KAZN: variants seen among roughly 807,000 people sequenced by gnomAD.
KAZN encodes kazrin, periplakin interacting protein, also known as kazrin.
In KAZN, 40 loss-of-function variants were observed where a neutral mutation model predicts 87.4. The observed-to-expected ratio is 0.46, with a 90% CI of 0.36 to 0.60. The LOEUF is 0.60. Among genes scored for constraint, KAZN ranks in the 20% least tolerant of loss-of-function variants. The probability of loss-of-function intolerance (pLI) is 0.00; values close to 1 mark genes in which losing one functional copy is unlikely to be tolerated. For synonymous variants in KAZN, 466 were observed against 458.3 expected (o/e 1.02, Z -0.22); for missense variants, 898 against 1,073.9 (o/e 0.84, Z 2.29).
intron 2 of KAZN, among the ~76,000 whole-genome samples, chr1:14,979,901 A>T (rs1666057875): frequency 6.6e-6 from 1 of 152,122 alleles, no homozygotes; most frequent in South Asian, 2.1e-4. Context: ...AAATTTATTT[A>T]CTTTTGAGAC....
In KAZN at chr1:15,094,534, CT is replaced by C. The variant is rs1640713623; in HGVS notation, c.1428+150del. On this transcript the variant is annotated intron_variant, in intron 9 of 14. Transcript: ENST00000376030. This position sits in a 1 kb window ranked among gnomAD's most constrained non-coding sequence, Gnocchi z 4.5. Reference sequence around the variant, plus strand: ...CCAATGCAATCAGCCTCTGATGTACCTGCTCATTGTGCCTCCCTGGCAAGGC... The same window carrying C: ...CCAATGCAATCAGCCTCTGATGTACCGCTCATTGTGCCTCCCTGGCAAGGC... 2.6e-6 allele frequency: 2 copies of C among 767,120 alleles called. No homozygotes were observed. The highest frequency in any genetic ancestry group is 5.1e-5 in the Admixed American group (2 of 39,298). The allele number at this position is 767,120 out of a possible 1,614,324, so 47.5% of individuals were successfully genotyped here.
chr1:14,690,103 T>C (rs1467853818), intron 1 of KAZN, among the ~76,000 whole-genome samples: 1 of 152,130 alleles, frequency 6.6e-6, no homozygotes, highest in African/African-American at 2.4e-5. Flanking sequence ...ATCAGGTAAA[T>C]GGCTGCCCTC....
intron 1 of KAZN, among the ~76,000 whole-genome samples, chr1:14,746,994 C>T (rs1052230567): frequency 3.9e-5 from 6 of 152,190 alleles, no homozygotes; most frequent in African/African-American, 1.2e-4. Context: ...AACTCCCCAT[C>T]CCTTGTCCCC....
intron 1 of KAZN, among the ~76,000 whole-genome samples, chr1:14,619,617 C>A (rs78623818): frequency 0.011 from 1,645 of 152,292 alleles, 35 homozygotes; most frequent in African/African-American, 0.036. Flanking sequence ...TTTTGCAACC[C>A]GTGCCACTAT....
At chr1:14,377,855 A>G (rs1033855709) in intron 2 of KAZN, among the ~76,000 whole-genome samples, 4 of 152,130 alleles carry the variant, frequency 2.6e-5, no homozygotes, top group African/African-American at 9.7e-5. Flanking sequence ...TTTTAGCAAC[A>G]TCCCTGATCT....
chr1:14,805,857 G>A (rs1160099650), intron 1 of KAZN, among the ~76,000 whole-genome samples: 1 of 151,936 alleles, frequency 6.6e-6, no homozygotes, highest in African/African-American at 2.4e-5. Flanking sequence ...GAAAGGAGGT[G>A]GAGAGAATAT....
chr1:15,069,322 C>A (rs560495105), intron 8 of KAZN, among the ~76,000 whole-genome samples: 1 of 152,220 alleles, frequency 6.6e-6, no homozygotes, highest in South Asian at 2.1e-4. Flanking sequence ...AGCCTTTTTG[C>A]CCTCTCAAAA....
At chr1:14,456,443 A>G (rs1183628888) in intron 2 of KAZN, among the ~76,000 whole-genome samples, 1 of 151,914 alleles carries the variant, frequency 6.6e-6, no homozygotes, top group Non-Finnish European at 1.5e-5. Flanking sequence ...TGAAGCTTTT[A>G]TTTGTAGACG....
At chr1:14,324,402 G>A (rs1222709929) in intron 2 of KAZN, among the ~76,000 whole-genome samples, 3 of 152,118 alleles carry the variant, frequency 2.0e-5, no homozygotes, top group Non-Finnish European at 4.4e-5. Context: ...CCACATGTCC[G>A]TTTCTGGTCA....
intron 1 of KAZN, among the ~76,000 whole-genome samples, chr1:14,743,074 T>A (rs1047131670): frequency 1.3e-5 from 2 of 151,892 alleles, no homozygotes; most frequent in African/African-American, 4.8e-5. Context: ...TGGGCCAGAG[T>A]GGTGCGTCGC....
At chr1:15,044,699 A>T (rs948392243) in intron 4 of KAZN, among the ~76,000 whole-genome samples, 9 of 150,586 alleles carry the variant, frequency 6.0e-5, no homozygotes, top group Non-Finnish European at 1.2e-4. Flanking sequence ...ACTGCACCCC[A>T]GCCTGGGCGA....
intron 1 of KAZN, among the ~76,000 whole-genome samples, chr1:14,947,134 G>A (rs765453360): frequency 5.3e-5 from 8 of 152,352 alleles, no homozygotes; most frequent in Non-Finnish European, 7.3e-5. Context: ...CCGTTGTAAG[G>A]CCGTGCTCAA....
At chr1:14,879,279 T>C (rs1653083820) in intron 1 of KAZN, among the ~76,000 whole-genome samples, 1 of 152,152 alleles carries the variant, frequency 6.6e-6, no homozygotes, top group African/African-American at 2.4e-5. Context: ...CGTGAGGTGG[T>C]TTCTAGCATT....
At chr1:14,105,098 T>C (rs1644339271) in intron 1 of KAZN, among the ~76,000 whole-genome samples, 1 of 152,230 alleles carries the variant, frequency 6.6e-6, no homozygotes, top group Admixed American at 6.5e-5. Context: ...TAGCATTGAC[T>C]GTATGCCAGG....
At chr1:14,756,352 G>T (rs1166838815) in intron 1 of KAZN, among the ~76,000 whole-genome samples, 1 of 152,140 alleles carries the variant, frequency 6.6e-6, no homozygotes, top group Non-Finnish European at 1.5e-5. Context: ...CCGGCAAGAG[G>T]TCTGGAAAGC....
chr1:14,764,283 A>G (rs891957674), intron 1 of KAZN, among the ~76,000 whole-genome samples: 2 of 151,250 alleles, frequency 1.3e-5, no homozygotes, highest in African/African-American at 4.9e-5. Context: ...CTGAATCCTT[A>G]CTTCTTCAGG....
intron 1 of KAZN, among the ~76,000 whole-genome samples, chr1:14,775,743 A>C (rs566118626): frequency 2.6e-5 from 4 of 152,364 alleles, no homozygotes; most frequent in African/African-American, 9.6e-5. Context: ...AGCAGGAGAA[A>C]GGGGCAGGTG....
intron 1 of KAZN, among the ~76,000 whole-genome samples, chr1:14,777,929 A>G (rs1008353898): frequency 1.3e-5 from 2 of 152,152 alleles, no homozygotes; most frequent in Non-Finnish European, 1.5e-5. Flanking sequence ...CTAATTCATT[A>G]TAATTAGCAT....
intron 1 of KAZN, among the ~76,000 whole-genome samples, chr1:14,855,049 C>A (rs115903036): frequency 0.011 from 1,671 of 152,126 alleles, 17 homozygotes; most frequent in Non-Finnish European, 0.016. Context: ...ACAAGCAGAC[C>A]TGGAGTGCAG....
Sources: allele counts gnomAD v4.1 joint callset (sites outside exome capture counted in the v4.1 genomes callset), GRCh38; gene constraint gnomAD v4.1.1; non-coding constraint Gnocchi (gnomAD v3.1); transcripts MANE v1.5; gene names NCBI Gene and HGNC (gene_info 2026-07-23, HGNC 2026-07-21).